Variants in ADCY2 observed in about 807,000 individuals in gnomAD.
The protein encoded by ADCY2 is adenylate cyclase type 2.
In ADCY2, 31 loss-of-function variants were observed where a neutral mutation model predicts 125.2. The ratio of observed to expected loss-of-function variants is 0.25; its 90% confidence interval spans 0.19 to 0.33. The LOEUF is 0.33. Among genes scored for constraint, ADCY2 ranks in the 10% least tolerant of loss-of-function variants. The pLI is 1.00. For synonymous variants in ADCY2, 512 were observed against 548.4 expected, an observed-to-expected ratio of 0.93 and a Z score of 0.93; for missense variants, 904 against 1,418.2, an observed-to-expected ratio of 0.64 and a Z score of 5.82.
rs1462471215 is a variant in ADCY2 at position 7,711,580 on chromosome 5, A to C, written c.1579-1276A>C. On this transcript the variant is annotated intron_variant, in intron 10 of 24. Coordinates refer to ENST00000338316, the MANE Select transcript of ADCY2 (RefSeq NM_020546.3). ...ATTTCTTATCAGCCTTTATTGTCTT[A>C]AGACTTAAGAGTGACTGTCTCTTTT... Among the ~76,000 whole-genome samples, 3 of 152,178 alleles carry C rather than the reference A, an allele frequency of 2.0e-5. No homozygotes were observed. In the East Asian group the frequency reaches 5.8e-4, roughly 29 times the overall value.
At chr5:7,403,121 G>A (rs1739330513) in intron 1 of ADCY2, among the ~76,000 whole-genome samples, 1 of 151,886 alleles carries the variant, frequency 6.6e-6, no homozygotes, top group Non-Finnish European at 1.5e-5. Flanking sequence ...TTTTTTGTGT[G>A]TGTATATGTG....
chr5:7,578,738 C>T (rs1156567342), intron 3 of ADCY2, among the ~76,000 whole-genome samples: 2 of 152,150 alleles, frequency 1.3e-5, no homozygotes, highest in African/African-American at 4.8e-5. Flanking sequence ...GTCAATGTGT[C>T]AACCCACGGT....
At chr5:7,513,817 C>A (rs952412281) in intron 2 of ADCY2, among the ~76,000 whole-genome samples, 1 of 152,246 alleles carries the variant, frequency 6.6e-6, no homozygotes, top group South Asian at 2.1e-4. Context: ...ACTGTAAATA[C>A]AATGGTATTT....
At chr5:7,609,750 G>A (rs2126642662) in intron 3 of ADCY2, among the ~76,000 whole-genome samples, 1 of 152,332 alleles carries the variant, frequency 6.6e-6, no homozygotes, top group African/African-American at 2.4e-5. Flanking sequence ...ACTGATGTTG[G>A]AGAAGTATCA....
At chr5:7,807,564 A>T (rs1012247060) in intron 22 of ADCY2, among the ~76,000 whole-genome samples, 2 of 152,010 alleles carry the variant, frequency 1.3e-5, no homozygotes, top group Admixed American at 6.6e-5. Context: ...TCTGTGTGGG[A>T]CATTGTAATA....
intron 19 of ADCY2, among the ~76,000 whole-genome samples, chr5:7,785,983 A>G (rs1744072777): frequency 6.6e-6 from 1 of 152,194 alleles, no homozygotes; most frequent in Non-Finnish European, 1.5e-5. Flanking sequence ...GTTCAATATT[A>G]TGATTGAGCA....
chr5:7,562,861 T>C (rs1045576764), intron 3 of ADCY2, among the ~76,000 whole-genome samples: 1 of 152,236 alleles, frequency 6.6e-6, no homozygotes, highest in African/African-American at 2.4e-5. Flanking sequence ...TTATTTTCTC[T>C]ATTTGCTAGA....
chr5:7,441,297 C>T (rs926378505), intron 2 of ADCY2, among the ~76,000 whole-genome samples: 2 of 152,154 alleles, frequency 1.3e-5, no homozygotes, highest in Admixed American at 6.5e-5. Flanking sequence ...TCACAACCTA[C>T]TTCCTGATGG....
intron 12 of ADCY2, among the ~76,000 whole-genome samples, chr5:7,718,506 G>T (rs145822381): frequency 1.4e-4 from 22 of 152,058 alleles, no homozygotes; most frequent in Non-Finnish European, 2.6e-4. Flanking sequence ...TGAAAGAATC[G>T]CATGAGTGTG....
At chr5:7,791,292 C>T (rs188645557) in intron 20 of ADCY2, among the ~76,000 whole-genome samples, 1 of 152,122 alleles carries the variant, frequency 6.6e-6, no homozygotes, top group East Asian at 1.9e-4. Context: ...TTCACTGAGG[C>T]ATGGGAGTGC....
At chr5:7,397,071 A>G (rs145810198) in intron 1 of ADCY2, among the ~76,000 whole-genome samples, 4 of 152,380 alleles carry the variant, frequency 2.6e-5, no homozygotes, top group African/African-American at 9.6e-5. Flanking sequence ...TTAGCTCTTT[A>G]GCCCGATAGA....
intron 2 of ADCY2, among the ~76,000 whole-genome samples, chr5:7,457,376 C>G (rs1741718844): frequency 6.6e-6 from 1 of 152,136 alleles, no homozygotes; most frequent in South Asian, 2.1e-4. Flanking sequence ...TGCTGGAGAG[C>G]TCAGGGTGCC....
intron 15 of ADCY2, among the ~76,000 whole-genome samples, chr5:7,750,975 G>A (rs1027575802): frequency 6.6e-6 from 1 of 151,702 alleles, no homozygotes; most frequent in Non-Finnish European, 1.5e-5. Context: ...TTTATCAGAG[G>A]TATGTTGAAT....
chr5:7,507,403 T>G (rs1258529786), intron 2 of ADCY2, among the ~76,000 whole-genome samples: 1 of 113,742 alleles, frequency 8.8e-6, no homozygotes, highest in Non-Finnish European at 1.7e-5. Flanking sequence ...ATCATACCAC[T>G]GCACTCCAGC....
At chr5:7,448,827 A>G (rs1016394054) in intron 2 of ADCY2, among the ~76,000 whole-genome samples, 1 of 152,192 alleles carries the variant, frequency 6.6e-6, no homozygotes, top group Non-Finnish European at 1.5e-5. Context: ...CTGTGGCTGC[A>G]TAGTATTCCA....
At chr5:7,563,751 A>G (rs956186320) in intron 3 of ADCY2, among the ~76,000 whole-genome samples, 15 of 152,140 alleles carry the variant, frequency 9.9e-5, no homozygotes, top group Admixed American at 5.9e-4. Context: ...CCTGGCCTCA[A>G]TTTTACTTTC....
intron 22 of ADCY2, among the ~76,000 whole-genome samples, chr5:7,811,745 C>T (rs1744950309): frequency 2.6e-5 from 4 of 152,148 alleles, no homozygotes; most frequent in Admixed American, 2.6e-4. Flanking sequence ...CTCCTTCCCC[C>T]AAATCAGACC....
At chr5:7,642,611 G>A (rs947769050) in intron 4 of ADCY2, among the ~76,000 whole-genome samples, 32 of 152,088 alleles carry the variant, frequency 2.1e-4, no homozygotes, top group African/African-American at 7.5e-4. Flanking sequence ...CTGATGTCCA[G>A]AATGCTGTTT....
chr5:7,785,162 C>A (rs12518369), intron 19 of ADCY2, among the ~76,000 whole-genome samples: 5 of 152,092 alleles, frequency 3.3e-5, no homozygotes, highest in African/African-American at 9.7e-5. Flanking sequence ...GTATTTGGAA[C>A]GAACCCATGA....
Sources: allele counts gnomAD v4.1 joint callset (sites outside exome capture counted in the v4.1 genomes callset), GRCh38; gene constraint gnomAD v4.1.1; transcripts MANE v1.5; gene names NCBI Gene and HGNC (gene_info 2026-07-23, HGNC 2026-07-21).